ESCO2: variants seen among roughly 807,000 people sequenced by gnomAD.
The protein encoded by ESCO2 is establishment of sister chromatid cohesion N-acetyltransferase 2.
A neutral mutation model predicts 61.7 loss-of-function variants in ESCO2; 51 were observed. That is an observed-to-expected ratio of 0.83 (90% confidence interval 0.66 to 1.04). The LOEUF is 1.04. ESCO2 is among the 50% of genes least tolerant of loss of function. The pLI is 0.00. For missense variants in ESCO2, 692 were observed against 686.2 expected, an observed-to-expected ratio of 1.01 and a Z score of -0.09; for synonymous variants, 230 against 238.2, an observed-to-expected ratio of 0.97 and a Z score of 0.32.
chr8:27,810,494 A>G, downstream of ESCO2: 1 of 1,596,382 alleles, frequency 6.3e-7, no homozygotes, highest in Non-Finnish European at 8.6e-7. Context: ...TTTCATCAAA[A>G]GTTTTATCTT....
At chr8:27,805,799 A>G (rs1805552425), downstream of ESCO2, among the ~76,000 whole-genome samples, 1 of 152,048 alleles carries the variant, frequency 6.6e-6, no homozygotes, top group Non-Finnish European at 1.5e-5. Context: ...TTTTTTTAGT[A>G]GAGACAGAGT....
chr8:27,814,148 G>A (rs924558663), downstream of ESCO2, among the ~76,000 whole-genome samples: 2 of 152,080 alleles, frequency 1.3e-5, no homozygotes, highest in African/African-American at 4.8e-5. Flanking sequence ...TTCTTCCTTG[G>A]ATATTTGGTA....
chr8:27,776,550 T>C lies in ESCO2; in HGVS notation c.242T>C (p.Leu81Pro). The change falls in exon 3 of 11, where the codon CTC (leucine) becomes CCC (proline). Residue 81 changes from leucine to proline, a missense_variant. Physicochemically the swap from Leu to Pro is moderately conservative, Grantham distance 98 (BLOSUM62 -3). Transcript: ENST00000305188. ...ANQGSPFKSA[L>P]STVSFYNQNK... ...CAAGGCTCACCATTTAAATCTGCGC[T>C]CTCCACTGTATCTTTTTACAACCAA... The C allele has an allele frequency of 1.2e-6, 2 of 1,614,112 alleles. No homozygotes were observed. The highest frequency in any genetic ancestry group is 1.7e-6 in the Non-Finnish European group (2 of 1,180,020).
downstream of ESCO2, among the ~76,000 whole-genome samples, chr8:27,806,402 T>C (rs1805564397): frequency 6.6e-6 from 1 of 152,206 alleles, no homozygotes; most frequent in Admixed American, 6.5e-5. Flanking sequence ...GTGTTAATTA[T>C]AGTATCAATG....
At chr8:27,809,438 C>A (rs530145960), downstream of ESCO2, among the ~76,000 whole-genome samples, 53 of 152,140 alleles carry the variant, frequency 3.5e-4, no homozygotes, top group African/African-American at 1.2e-3. Context: ...GTAGGTATAC[C>A]ACCTACATTG....
At chr8:27,815,947 G>A (rs140433876), downstream of ESCO2, among the ~76,000 whole-genome samples, 91 of 152,266 alleles carry the variant, frequency 6.0e-4, no homozygotes, top group East Asian at 0.016. Flanking sequence ...TCTTTTGGTT[G>A]ATACAGAAAC....
intron 7 of ESCO2, among the ~76,000 whole-genome samples, chr8:27,790,272 A>G (rs1443289523): frequency 6.6e-6 from 1 of 152,212 alleles, no homozygotes; most frequent in South Asian, 2.1e-4. Flanking sequence ...TATATTTTGA[A>G]TATCATTCCT....
chr8:27,794,998 C>T (rs749699538), intron 9 of ESCO2, among the ~76,000 whole-genome samples: 13 of 151,992 alleles, frequency 8.6e-5, no homozygotes, highest in African/African-American at 3.1e-4. Flanking sequence ...TTGCTTTGGC[C>T]GTTTGGAATC....
chr8:27,799,805 G>A, intron 10 of ESCO2, 89 bp downstream of exon 10: 3 of 1,421,850 alleles, frequency 2.1e-6, no homozygotes, highest in Non-Finnish European at 3.0e-6. Flanking sequence ...GAAGGATATT[G>A]GTAAGATACT....
At chr8:27,775,437 T>C (rs1804767644) in intron 1 of ESCO2, 62 bp from the exon 2 acceptor site, 1 of 1,372,778 alleles carries the variant, frequency 7.3e-7, no homozygotes, top group African/African-American at 1.4e-5. Context: ...TTAAAGGGGG[T>C]ATAATTTTGA....
downstream of ESCO2, chr8:27,810,478 A>C (rs1353773080): frequency 1.2e-6 from 2 of 1,602,056 alleles, no homozygotes; most frequent in Non-Finnish European, 1.7e-6. Context: ...TCATCATCAA[A>C]ATCACTTTCA....
downstream of ESCO2, among the ~76,000 whole-genome samples, chr8:27,806,237 T>C (rs1213731785): frequency 6.6e-6 from 1 of 152,130 alleles, no homozygotes; most frequent in East Asian, 1.9e-4. Context: ...AGAAACATAT[T>C]CCTATTGAGG....
At chr8:27,772,384 G>A (rs1439722983), upstream of ESCO2, 10 of 867,012 alleles carry the variant, frequency 1.2e-5, no homozygotes, top group African/African-American at 6.7e-5. Flanking sequence ...GGGACCGAGA[G>A]GCCGCGGGAA....
At chr8:27,772,575 G>A, upstream of ESCO2, 2 of 1,545,866 alleles carry the variant, frequency 1.3e-6, no homozygotes, top group Non-Finnish European at 1.7e-6. Context: ...CCACCGCGGA[G>A]CAGCAGCGCT....
intron 4 of ESCO2, among the ~76,000 whole-genome samples, 190 bp downstream of exon 4, chr8:27,780,457 CAAG>C (rs1202686768): frequency 6.6e-6 from 1 of 152,122 alleles, no homozygotes; most frequent in Non-Finnish European, 1.5e-5. Flanking sequence ...AAACAAGAAA[CAAG>C]GAGATCCTAG....
At chr8:27,772,447 G>A (rs1397483170), upstream of ESCO2, 1 of 1,489,376 alleles carries the variant, frequency 6.7e-7, no homozygotes, top group Non-Finnish European at 9.2e-7. Flanking sequence ...CGCAGCGGCG[G>A]ACTGCGGGTC....
At chr8:27,780,076 C>T (rs1288928981) in intron 3 of ESCO2, 98 bp from the exon 4 acceptor site, 7 of 772,564 alleles carry the variant, frequency 9.1e-6, no homozygotes, top group Middle Eastern at 3.3e-4. Context: ...CATAATAAAC[C>T]AAATCTTTTG....
intron 3 of ESCO2, 24 bp from the exon 4 acceptor site, chr8:27,780,150 T>G (rs772573555): frequency 7.1e-6 from 9 of 1,273,920 alleles, no homozygotes; most frequent in South Asian, 2.6e-5. Context: ...AGATGTTTGG[T>G]TTTTTTTTTA....
intron 9 of ESCO2, among the ~76,000 whole-genome samples, 194 bp downstream of exon 9, chr8:27,793,005 A>T (rs1225024061): frequency 3.3e-5 from 5 of 152,194 alleles, no homozygotes; most frequent in African/African-American, 1.2e-4. Context: ...CAGGATAGGT[A>T]AGCCAGTCTT....
Sources: gnomAD v4.1 joint callset for allele counts (sites outside exome capture counted in the v4.1 genomes callset) on GRCh38, gnomAD v4.1.1 for gene constraint, MANE v1.5 for transcripts, NCBI Gene and HGNC (gene_info 2026-07-23, HGNC 2026-07-21) for gene names.